The following TMEM120B variants were observed in gnomAD, a reference collection of about 807,000 sequenced individuals.
TMEM120B encodes transmembrane protein 120B.
TMEM120B carries 31 observed loss-of-function variants against 55.5 expected under a neutral mutation model. The ratio of observed to expected loss-of-function variants is 0.56; its 90% confidence interval spans 0.42 to 0.75. The LOEUF (loss-of-function observed/expected upper bound fraction) is 0.75. Ranked by LOEUF, TMEM120B falls within the 30% of genes least tolerant of loss-of-function variation. The pLI is 0.00. For missense variants in TMEM120B, 399 were observed against 425.5 expected, an observed-to-expected ratio of 0.94 and a Z score of 0.55; for synonymous variants, 203 against 176.3, an observed-to-expected ratio of 1.15 and a Z score of -1.20.
At chr12:121,760,835 ACT>A (rs984557968) in intron 5 of TMEM120B, among the ~76,000 whole-genome samples, 28 of 152,184 alleles carry the variant, frequency 1.8e-4, no homozygotes, top group Middle Eastern at 3.4e-3. Context: ...ACCTACTCTA[ACT>A]CTCTAACATC....
chr12:121,721,902 G>A (rs749681028), intron 1 of TMEM120B, among the ~76,000 whole-genome samples: 25 of 144,070 alleles, frequency 1.7e-4, no homozygotes, highest in Non-Finnish European at 3.3e-4. Context: ...TCTGCCTCCC[G>A]GGTTCAAGCG....
Position 121,743,738 on chromosome 12 carries a change from C to T in TMEM120B, c.179C>T (p.Thr60Ile), listed in dbSNP as rs373049541. Residue 60 changes from threonine (T) to isoleucine (I), a missense_variant, in exon 2 of 12, where the codon ACA becomes ATA. Thr to Ile is a moderately conservative substitution (Grantham distance 89). Around this residue, in one of 3 missense-constraint regions of TMEM120B, gnomAD observed 133 missense variants for 104.1 expected, o/e 1.28. Transcript: ENST00000449592. The part of the protein sequence containing the change: ...QKKHLKDLKL[T>I]LQRCKRHASR... ...AAGCACCTCAAGGACTTGAAGCTTA[C>T]ACTCCAGAGGTAGGTGCAGCTGTAG... The T allele has an allele frequency of 4.8e-5, 77 of 1,612,182 alleles. No individual in the cohort carries two copies. The highest frequency in any genetic ancestry group is 6.4e-5 in the Non-Finnish European group (76 of 1,179,214).
At chr12:121,713,425 T>A (rs1592919024) in intron 1 of TMEM120B, among the ~76,000 whole-genome samples, 1 of 151,652 alleles carries the variant, frequency 6.6e-6, no homozygotes, top group African/African-American at 2.4e-5. Flanking sequence ...TTTTGGGAGG[T>A]GTACTTAAGA....
chr12:121,776,375 T>G lies in TMEM120B; in HGVS notation c.*653T>G. 1 of 154,336 alleles carries G rather than the reference T, an allele frequency of 6.5e-6. No individual in the cohort carries two copies. The highest frequency in any genetic ancestry group is 1.9e-4 in the East Asian group (1 of 5,234). The allele number at this position is 154,336 out of a possible 1,614,324, so 9.6% of individuals were successfully genotyped here. A position where few individuals can be genotyped will look rare whatever the true frequency, so the allele number is the denominator to read the frequency against. On this transcript the variant is annotated 3_prime_UTR_variant, in exon 12 of 12. Coordinates refer to ENST00000449592, the MANE Select transcript of TMEM120B (RefSeq NM_001080825.2). ...TGGGTCGTCCAAGGGGACAAGGACG[T>G]TCCCGTCTGTGCTTCGGGGTTCCCT...
chr12:121,715,404 G>A (rs925531), intron 1 of TMEM120B, among the ~76,000 whole-genome samples: 53,183 of 152,072 alleles, frequency 0.35, 9,464 homozygotes, highest in Admixed American at 0.38. Flanking sequence ...ACAGCAATTA[G>A]ATAGCAAGTC....
intron 6 of TMEM120B, among the ~76,000 whole-genome samples, chr12:121,767,249 G>A (rs1039679412): frequency 8.6e-5 from 13 of 151,704 alleles, no homozygotes; most frequent in Middle Eastern, 3.2e-3. Flanking sequence ...CAAGCTCCGC[G>A]TCCCGGGTTC....
At position 121,712,887 on chromosome 12, in the gene TMEM120B, C is replaced by T; in HGVS notation, c.-9C>T. Reference sequence around the variant, plus strand: ...AGCCGCCGGCACCGCCGCCTTGCACCATCGCATCATGTCCGGGCAGCTGGA... The same window carrying T: ...AGCCGCCGGCACCGCCGCCTTGCACTATCGCATCATGTCCGGGCAGCTGGA... On this transcript the variant is annotated 5_prime_UTR_variant, in exon 1 of 12. Coordinates refer to ENST00000449592, the MANE Select transcript of TMEM120B (RefSeq NM_001080825.2). 6.6e-7 allele frequency: 1 copy of T among 1,519,608 alleles called. No individual in the cohort carries two copies. Among genetic ancestry groups the T allele is most frequent in the Non-Finnish European group, 8.8e-7 (1 of 1,139,842 alleles). 94.1% of individuals were successfully genotyped at this position (1,519,608 alleles called of 1,614,324 possible). A position where few individuals can be genotyped will look rare whatever the true frequency, so the allele number is the denominator to read the frequency against.
intron 4 of TMEM120B, among the ~76,000 whole-genome samples, 163 bp downstream of exon 4, chr12:121,750,602 AC>A (rs1873251042): frequency 6.1e-5 from 2 of 32,690 alleles, no homozygotes; most frequent in Non-Finnish European, 1.7e-4. Context: ...CACCCCACCC[AC>A]ACCAACACCA....
rs556866523 is a variant in TMEM120B at position 121,735,211 on chromosome 12, A to C, written c.70-8418A>C. ...AAAAAAAAAAAAAAACAAAAAAAAA[A>C]ACCCAGAAACAAAACCTCCCAACTT... is the stretch of plus-strand genomic sequence containing the variant. On this transcript the variant is annotated intron_variant, in intron 1 of 11. Transcript: ENST00000449592. Among the ~76,000 whole-genome samples the C allele has an allele frequency of 1.3e-3, 203 of 151,510 alleles. 3 individuals carry two copies. Among genetic ancestry groups the C allele is most frequent in the African/African-American group, 4.3e-3 (180 of 41,474 alleles).
rs1258727853 is a variant in TMEM120B, at chr12:121,776,537, G to A, written c.*815G>A. ...GAGCTTCTGGATGTTGTGGGAGGGA[G>A]GTGGGGGTGCCTGGCAGGCTCACCC... On this transcript the variant is annotated 3_prime_UTR_variant, in exon 12 of 12. Transcript: ENST00000449592. 1 of 152,246 alleles carries A rather than the reference G, an allele frequency of 6.6e-6. No homozygotes were observed. The highest frequency in any genetic ancestry group is 1.5e-5 in the Non-Finnish European group (1 of 68,068). The allele number at this position is 152,246 out of a possible 1,614,324, so 9.4% of individuals were successfully genotyped here. A position where few individuals can be genotyped will look rare whatever the true frequency, so the allele number is the denominator to read the frequency against.
At chr12:121,772,101 T>C (rs113471813) in intron 8 of TMEM120B, among the ~76,000 whole-genome samples, 8 of 139,876 alleles carry the variant, frequency 5.7e-5, no homozygotes, top group African/African-American at 1.2e-4. Flanking sequence ...CTCTCTCTCT[T>C]TCTCTCTTTC....
chr12:121,721,405 C>CT (rs1356480086), intron 1 of TMEM120B, among the ~76,000 whole-genome samples: 1 of 151,912 alleles, frequency 6.6e-6, no homozygotes, highest in Non-Finnish European at 1.5e-5. Flanking sequence ...TCTTGAACTT[C>CT]TGGCCTCAAG....
chr12:121,721,016 G>A (rs1894781017), intron 1 of TMEM120B, among the ~76,000 whole-genome samples: 1 of 152,166 alleles, frequency 6.6e-6, no homozygotes, highest in South Asian at 2.1e-4. Context: ...TCCCACTGGG[G>A]CAGAGCTTGG....
At position 121,750,413 on chromosome 12, in the gene TMEM120B, C is replaced by G; in HGVS notation, c.339C>G (p.Asn113Lys). Residue 113 changes from asparagine (N) to lysine (K), a missense_variant, in exon 4 of 12, where the codon AAC (asparagine) becomes AAG (lysine). By Grantham distance (94) the Asn-to-Lys change is moderately conservative. Transcript: ENST00000449592. ...TGAACCTGGTCCTCGGCAATGTGAA[C>G]GTGACCCTCCTCAGCAACCAGGCCA... Reference protein sequence around the residue: ...LYLNLVLGNVNVTLLSNQAKF... With the variant: ...LYLNLVLGNVKVTLLSNQAKF... The G allele has an allele frequency of 6.2e-7, 1 of 1,612,490 alleles. No individual in the cohort carries two copies. The highest frequency in any genetic ancestry group is 8.5e-7 in the Non-Finnish European group (1 of 1,179,170).
At chr12:121,732,392 A>G (rs1189696476) in intron 1 of TMEM120B, among the ~76,000 whole-genome samples, 2 of 152,124 alleles carry the variant, frequency 1.3e-5, no homozygotes, top group Non-Finnish European at 2.9e-5. Context: ...TGTGACCTCC[A>G]GTGAGGGATC....
intron 1 of TMEM120B, among the ~76,000 whole-genome samples, chr12:121,738,612 A>T (rs1872823496): frequency 6.6e-6 from 1 of 152,272 alleles, no homozygotes; most frequent in East Asian, 1.9e-4. Flanking sequence ...GAATAATTCA[A>T]AAGTGATTAA....
chr12:121,717,034 C>G (rs1457639592), intron 1 of TMEM120B, among the ~76,000 whole-genome samples: 1 of 152,176 alleles, frequency 6.6e-6, no homozygotes, highest in African/African-American at 2.4e-5. Context: ...TGTGTCAGGG[C>G]CTTCCTGAAC....
At chr12:121,723,228 C>T (rs541861251) in intron 1 of TMEM120B, among the ~76,000 whole-genome samples, 48 of 152,182 alleles carry the variant, frequency 3.2e-4, no homozygotes, top group African/African-American at 1.1e-3. Context: ...AGTGCAGTGG[C>T]GGTATCATAG....
At chr12:121,750,842 TCCACACCCCATAC>T (rs1873271211) in intron 4 of TMEM120B, among the ~76,000 whole-genome samples, 3 of 15,844 alleles carry the variant, frequency 1.9e-4, no homozygotes, top group South Asian at 2.4e-3. Context: ...CACACCACAC[TCCACACCCCATAC>T]CCACACCCCA....
Sources: allele counts gnomAD v4.1 joint callset (sites outside exome capture counted in the v4.1 genomes callset), GRCh38; gene constraint gnomAD v4.1.1; regional missense constraint gnomAD v4.1.1; transcripts MANE v1.5; gene names NCBI Gene and HGNC (gene_info 2026-07-23, HGNC 2026-07-21).